Variants in SPEN observed in about 807,000 individuals in gnomAD.
SPEN encodes the protein spen family transcriptional repressor.
Under a neutral mutation model 269.9 loss-of-function variants are expected in SPEN, and 18 were observed. The ratio of observed to expected loss-of-function variants is 0.07; its 90% confidence interval spans 0.05 to 0.10. The LOEUF is 0.10. Among genes scored for constraint, SPEN ranks in the 10% least tolerant of loss-of-function variants. The pLI is 1.00. For synonymous variants in SPEN, 1,726 were observed against 1,765.7 expected, an observed-to-expected ratio of 0.98 and a Z score of 0.56; for missense variants, 3,822 against 4,631.2, an observed-to-expected ratio of 0.83 and a Z score of 5.07.
At chr1:15,890,698 T>G (rs1365114555) in intron 3 of SPEN, among the ~76,000 whole-genome samples, 1 of 152,030 alleles carries the variant, frequency 6.6e-6, no homozygotes, top group African/African-American at 2.4e-5. Flanking sequence ...ATTTACAGCA[T>G]TTTGCAACCA....
intron 3 of SPEN, among the ~76,000 whole-genome samples, chr1:15,888,416 C>G (rs1366788722): frequency 1.3e-5 from 2 of 151,828 alleles, no homozygotes; most frequent in Non-Finnish European, 2.9e-5. Context: ...CTCCACCTCC[C>G]AGGTTCAAGT....
chr1:15,849,967 CATT>C (rs928641641), intron 1 of SPEN, among the ~76,000 whole-genome samples: 6 of 152,148 alleles, frequency 3.9e-5, no homozygotes, highest in South Asian at 2.1e-4. Context: ...TGTCATTTCT[CATT>C]ATGCAGATTC....
chr1:15,873,482 A>C (rs1049988108), intron 2 of SPEN: 1 of 1,018,800 alleles, frequency 9.8e-7, no homozygotes, highest in Non-Finnish European at 1.2e-6. Flanking sequence ...TGATGGAGCT[A>C]TTTGGCTTTT....
chr1:15,926,823 C>T (rs917788281), intron 10 of SPEN, among the ~76,000 whole-genome samples: 1 of 151,780 alleles, frequency 6.6e-6, no homozygotes. Flanking sequence ...CTCCCGAGTA[C>T]CTGGGACTAC....
intron 1 of SPEN, among the ~76,000 whole-genome samples, chr1:15,866,342 G>GT (rs1206143825): frequency 3.3e-5 from 5 of 151,900 alleles, no homozygotes; most frequent in Non-Finnish European, 5.9e-5. Context: ...GAATACATTA[G>GT]TTTTTTTGTT....
chr1:15,929,595 T>G lies in SPEN; in HGVS notation c.3355T>G (p.Leu1119Val), dbSNP rs768292380. Residue 1119 changes from leucine (L) to valine (V), a missense_variant, in exon 11 of 15, where the codon TTA (leucine) becomes GTA (valine). Leu to Val is a conservative substitution (Grantham distance 32). Coordinates refer to ENST00000375759, the MANE Select transcript of SPEN (RefSeq NM_015001.3). The surrounding 1 kb of genome is among the most constrained non-coding windows in gnomAD (Gnocchi z 5.8). Reference sequence around the variant, plus strand: ...ACCACAGCTCAAACAGCTGCAGGTATTAGATGATCAAGGACCAGAGAGAGA... The same window carrying G: ...ACCACAGCTCAAACAGCTGCAGGTAGTAGATGATCAAGGACCAGAGAGAGA... ...SKPQLKQLQV[L>V]DDQGPEREDV... 2 of 1,614,086 alleles carry G rather than the reference T, an allele frequency of 1.2e-6. No homozygotes were observed. Among genetic ancestry groups the G allele is most frequent in the South Asian group, 2.2e-5 (2 of 91,086 alleles).
chr1:15,931,104 T>A lies in SPEN; in HGVS notation c.4864T>A (p.Ser1622Thr). Residue 1622 changes from serine to threonine, a missense_variant, in exon 11 of 15, where the codon TCT becomes ACT. Ser to Thr is a moderately conservative substitution (Grantham distance 58). Transcript: ENST00000375759. This position sits in a 1 kb window ranked among gnomAD's most constrained non-coding sequence, Gnocchi z 4.8. ...DTENHPKTPE[S>T]APENKDSELK... ...AGAGAATCATCCCAAGACCCCAGAA[T>A]CTGCTCCTGAGAATAAAGATTCAGA... 1 of 1,614,150 alleles carries A rather than the reference T, an allele frequency of 6.2e-7. No homozygotes were observed. Among genetic ancestry groups the A allele is most frequent in the Non-Finnish European group, 8.5e-7 (1 of 1,180,018 alleles).
chr1:15,898,173 TTGTGTGTGTGTGTG>T (rs58297957), intron 3 of SPEN, among the ~76,000 whole-genome samples: 23 of 147,378 alleles, frequency 1.6e-4, no homozygotes, highest in Admixed American at 4.8e-4. Context: ...TAATTTATCT[TTGTGTGTGTGTGTG>T]TGTGTGTGTG....
intron 3 of SPEN, among the ~76,000 whole-genome samples, chr1:15,901,731 G>C (rs1167692757): frequency 6.6e-6 from 1 of 151,122 alleles, no homozygotes; most frequent in East Asian, 1.9e-4. Flanking sequence ...AAATGGTAAT[G>C]GTGTCACATC....
chr1:15,889,966 C>T (rs575877231), intron 3 of SPEN, among the ~76,000 whole-genome samples: 3 of 152,220 alleles, frequency 2.0e-5, no homozygotes, highest in South Asian at 2.1e-4. Flanking sequence ...CCACCCGCCT[C>T]GGCCTCCCAA....
Position 15,929,206 on chromosome 1 carries a change from C to T in SPEN, c.2966C>T (p.Ala989Val), listed in dbSNP as rs1207166964. 1 of 1,614,142 alleles carries T rather than the reference C, an allele frequency of 6.2e-7. No homozygotes were observed. Among genetic ancestry groups the T allele is most frequent in the Non-Finnish European group, 8.5e-7 (1 of 1,180,026 alleles). Residue 989 changes from alanine (A) to valine (V), a missense_variant, in exon 11 of 15, where the codon GCA (alanine) becomes GTA (valine). Physicochemically the swap from Ala to Val is moderately conservative, Grantham distance 64. This residue lies in a region of SPEN where 572 missense variants were observed against 582.6 expected (regional missense o/e 0.98). Transcript: ENST00000375759. This position sits in a 1 kb window ranked among gnomAD's most constrained non-coding sequence, Gnocchi z 5.8. ...EKLEARKRRF[A>V]DSNLKAEKQK... ...CTGGAAGCCAGGAAAAGGCGCTTTG[C>T]AGATTCCAATTTAAAAGCAGAAAAG... is the stretch of plus-strand genomic sequence containing the variant.
At position 15,939,721 on chromosome 1, in the gene SPEN, A is replaced by G. The variant is rs1481108512; in HGVS notation, c.*294A>G. The stretch of plus-strand genomic sequence containing the variant: ...TCTTTTTGGAGAAAAGGAACAGGGC[A>G]GTGGAATGAAAATTTTTTGTTTGTT... On this transcript the variant is annotated 3_prime_UTR_variant, in exon 15 of 15. Coordinates refer to ENST00000375759, the MANE Select transcript of SPEN (RefSeq NM_015001.3). This position sits in a 1 kb window ranked among gnomAD's most constrained non-coding sequence, Gnocchi z 4.1. 5 of 301,268 alleles carry G rather than the reference A, an allele frequency of 1.7e-5. No homozygotes were observed. The highest frequency in any genetic ancestry group is 3.1e-5 in the Non-Finnish European group (5 of 163,340). 18.7% of individuals were successfully genotyped at this position (301,268 alleles called of 1,614,324 possible).
rs1372377408 is a variant in SPEN, at chr1:15,935,714, G to A, written c.9474G>A (p.Glu3158=). 1.2e-6 allele frequency: 2 copies of A among 1,613,472 alleles called. No homozygotes were observed. Among genetic ancestry groups the A allele is most frequent in the East Asian group, 2.2e-5 (1 of 44,858 alleles). Residue 3158 remains glutamate (E), a synonymous_variant, in exon 11 of 15, where the codon GAG becomes GAA. Coordinates refer to ENST00000375759, the MANE Select transcript of SPEN (RefSeq NM_015001.3). This position sits in a 1 kb window ranked among gnomAD's most constrained non-coding sequence, Gnocchi z 7.7. Reference sequence around the variant, plus strand: ...TGGCCTCCCAGCACCCTCCCGAGGAGGAAGTGCATTATCACCTTCCTGTCG... The same window carrying A: ...TGGCCTCCCAGCACCCTCCCGAGGAAGAAGTGCATTATCACCTTCCTGTCG... ...PALASQHPPE[E]EVHYHLPVAR... is the part of the protein sequence containing the mutation.
chr1:15,873,216 A>C, intron 2 of SPEN, 80 bp downstream of exon 2: 1 of 1,473,484 alleles, frequency 6.8e-7, no homozygotes, highest in Non-Finnish European at 9.0e-7. Context: ...GGGGCCCCAG[A>C]TGGATTTAAA....
intron 1 of SPEN, among the ~76,000 whole-genome samples, chr1:15,849,034 ATGT>A (rs1357990569): frequency 6.6e-6 from 1 of 152,190 alleles, no homozygotes; most frequent in Admixed American, 6.5e-5. Flanking sequence ...ATAAGAATAA[ATGT>A]TGTCGTTGAT....
At chr1:15,859,903 A>ATTTTT (rs1557734352) in intron 1 of SPEN, among the ~76,000 whole-genome samples, 15 of 59,280 alleles carry the variant, frequency 2.5e-4, no homozygotes, top group South Asian at 6.5e-4. Context: ...ATCAGTTAAC[A>ATTTTT]TCTTTTTTTT....
At position 15,939,710 on chromosome 1, in the gene SPEN, A is replaced by G; in HGVS notation, c.*283A>G. 1 of 323,452 alleles carries G rather than the reference A, an allele frequency of 3.1e-6. No individual in the cohort carries two copies. The highest frequency in any genetic ancestry group is 5.6e-6 in the Non-Finnish European group (1 of 177,472). The allele number at this position is 323,452 out of a possible 1,614,324, so 20.0% of individuals were successfully genotyped here. A position where few individuals can be genotyped will look rare whatever the true frequency, so the allele number is the denominator to read the frequency against. On this transcript the variant is annotated 3_prime_UTR_variant, in exon 15 of 15. Transcript: ENST00000375759. The surrounding 1 kb of genome is among the most constrained non-coding windows in gnomAD (Gnocchi z 4.1). ...TTTCTCTTTCCTCTTTTTGGAGAAAAGGAACAGGGCAGTGGAATGAAAATT... is the reference window on the plus strand; with the variant it reads ...TTTCTCTTTCCTCTTTTTGGAGAAAGGGAACAGGGCAGTGGAATGAAAATT...
At chr1:15,883,804 ATTCT>A (rs1388391320) in intron 3 of SPEN, among the ~76,000 whole-genome samples, 2 of 110,466 alleles carry the variant, frequency 1.8e-5, no homozygotes, top group African/African-American at 3.2e-5. Context: ...ACAATTTAAG[ATTCT>A]TTTTTTTTTT....
At chr1:15,919,314 T>G in intron 7 of SPEN, 90 bp from the exon 8 acceptor site, 1 of 853,534 alleles carries the variant, frequency 1.2e-6, no homozygotes, top group Non-Finnish European at 1.8e-6. Flanking sequence ...TTGATAAGAT[T>G]ACTATAGAAA....
Sources: allele counts gnomAD v4.1 joint callset (sites outside exome capture counted in the v4.1 genomes callset), GRCh38; gene constraint gnomAD v4.1.1; regional missense constraint gnomAD v4.1.1; non-coding constraint Gnocchi (gnomAD v3.1); transcripts MANE v1.5; gene names NCBI Gene and HGNC (gene_info 2026-07-23, HGNC 2026-07-21).